Variants in PPM1L observed in about 807,000 individuals in gnomAD.
PPM1L encodes protein phosphatase, Mg2+/Mn2+ dependent 1L, also known as protein phosphatase 1L.
Under a neutral mutation model 31.4 loss-of-function variants are expected in PPM1L, and 13 were observed. The observed-to-expected ratio is 0.41, with a 90% CI of 0.27 to 0.66. The LOEUF is 0.66. Among genes scored for constraint, PPM1L ranks in the 30% least tolerant of loss-of-function variants. The pLI, the probability that PPM1L is intolerant of heterozygous loss-of-function variation, is 0.29. For missense variants in PPM1L, 326 were observed against 453.7 expected (o/e 0.72, Z 2.56); for synonymous variants, 184 against 175.4 (o/e 1.05, Z -0.39).
intron 2 of PPM1L, among the ~76,000 whole-genome samples, chr3:160,962,672 G>A (rs1576746258): frequency 6.6e-6 from 1 of 152,096 alleles, no homozygotes; most frequent in East Asian, 1.9e-4. Flanking sequence ...TTATATTAAT[G>A]CCAAGAACTT....
chr3:160,786,155 CTCTGTGTGTGTGTGTGTG>C (rs1441837370), intron 1 of PPM1L, among the ~76,000 whole-genome samples: 1 of 83,212 alleles, frequency 1.2e-5, no homozygotes. Flanking sequence ...CTCTCTCTCT[CTCTGTGTGTGTGTGTGTG>C]TGTGTGTGTG....
At chr3:160,872,136 C>T (rs1341194823) in intron 1 of PPM1L, among the ~76,000 whole-genome samples, 8 of 152,120 alleles carry the variant, frequency 5.3e-5, no homozygotes, top group Admixed American at 5.2e-4. Context: ...CTGGCAATCA[C>T]TCACCGGTTT....
intron 2 of PPM1L, among the ~76,000 whole-genome samples, chr3:160,966,673 A>G (rs549828931): frequency 2.0e-5 from 3 of 152,254 alleles, no homozygotes; most frequent in Non-Finnish European, 2.9e-5. Flanking sequence ...TTCAGAAAAC[A>G]TAAGAGTTTA....
intron 1 of PPM1L, among the ~76,000 whole-genome samples, chr3:160,930,274 A>AG (rs1405178917): frequency 1.2e-4 from 18 of 151,964 alleles, no homozygotes; most frequent in Non-Finnish European, 2.1e-4. Context: ...AAAAAAAAAA[A>AG]GTGTTTTGTA....
At chr3:160,980,768 G>A (rs927529981) in intron 2 of PPM1L, among the ~76,000 whole-genome samples, 1 of 144,170 alleles carries the variant, frequency 6.9e-6, no homozygotes, top group Non-Finnish European at 1.5e-5. Flanking sequence ...AGGAAAGACG[G>A]AAAGAAAAGG....
rs144361182 is a variant in PPM1L, at chr3:160,767,951, C to G, written c.399+11244C>G. Among the ~76,000 whole-genome samples, 928 of 151,968 alleles carry G rather than the reference C, an allele frequency of 6.1e-3. 9 individuals are homozygous for G. Among genetic ancestry groups the G allele is most frequent in the African/African-American group, 0.022 (900 of 41,448 alleles). On this transcript the variant is annotated intron_variant, in intron 1 of 3. Transcript: ENST00000498165. ...AATTAGTCACTGGATATTTTCTGGC[C>G]AAATAAGTCTCTTAATGACACCGTC...
intron 1 of PPM1L, among the ~76,000 whole-genome samples, chr3:160,923,143 G>A (rs950806848): frequency 1.2e-4 from 18 of 152,068 alleles, no homozygotes; most frequent in African/African-American, 3.9e-4. Flanking sequence ...AGTTTTAAGA[G>A]TAATTTATTT....
At chr3:160,902,342 T>G (rs992183129) in intron 1 of PPM1L, among the ~76,000 whole-genome samples, 1 of 152,038 alleles carries the variant, frequency 6.6e-6, no homozygotes, top group Non-Finnish European at 1.5e-5. Flanking sequence ...AAGAGTAGAG[T>G]AAAATTCATT....
chr3:160,931,860 A>G (rs1036430907), intron 1 of PPM1L, among the ~76,000 whole-genome samples: 3 of 152,214 alleles, frequency 2.0e-5, no homozygotes, highest in Admixed American at 6.5e-5. Context: ...TAAAAAGGCT[A>G]CTTTGAGAAA....
chr3:160,884,342 T>A (rs372503641), intron 1 of PPM1L, among the ~76,000 whole-genome samples: 1 of 152,046 alleles, frequency 6.6e-6, no homozygotes. Context: ...TTTGGAGACT[T>A]GTTAGTGGAG....
intron 1 of PPM1L, among the ~76,000 whole-genome samples, chr3:160,872,685 G>C (rs1466566816): frequency 1.3e-5 from 2 of 152,198 alleles, no homozygotes; most frequent in Non-Finnish European, 1.5e-5. Flanking sequence ...CCAGCACTTT[G>C]GGAGGCTGAG....
chr3:160,822,712 G>A (rs1560116931), intron 1 of PPM1L, among the ~76,000 whole-genome samples: 1 of 152,068 alleles, frequency 6.6e-6, no homozygotes, highest in African/African-American at 2.4e-5. Context: ...TATATTAGTA[G>A]CAATGACAAC....
At chr3:161,016,170 A>G (rs1718082482) in intron 2 of PPM1L, among the ~76,000 whole-genome samples, 1 of 152,228 alleles carries the variant, frequency 6.6e-6, no homozygotes, top group African/African-American at 2.4e-5. Context: ...CTTTGCTGAT[A>G]CTGCCGTTCT....
chr3:160,949,404 C>T (rs1715506677), intron 1 of PPM1L, among the ~76,000 whole-genome samples: 2 of 152,120 alleles, frequency 1.3e-5, no homozygotes, highest in Non-Finnish European at 2.9e-5. Flanking sequence ...GGCTGTGGCT[C>T]TGTCCAAACC....
intron 1 of PPM1L, among the ~76,000 whole-genome samples, chr3:160,787,226 A>G (rs2108070919): frequency 6.6e-6 from 1 of 152,346 alleles, no homozygotes; most frequent in East Asian, 1.9e-4. Context: ...CACCAGCAGT[A>G]TATAAGAGTT....
chr3:161,057,876 G>A (rs1040217550), intron 2 of PPM1L, among the ~76,000 whole-genome samples: 1 of 151,578 alleles, frequency 6.6e-6, no homozygotes, highest in African/African-American at 2.4e-5. Context: ...TAGAACCCAG[G>A]TTCCCATCAA....
intron 1 of PPM1L, among the ~76,000 whole-genome samples, chr3:160,856,041 G>T (rs933725813): frequency 3.9e-5 from 6 of 152,106 alleles, no homozygotes; most frequent in Non-Finnish European, 8.8e-5. Context: ...AGTCTGATGT[G>T]TGAGGGCAGG....
In PPM1L at chr3:160,888,149, A is replaced by C. The variant is rs1031219195; in HGVS notation, c.400-73587A>C. On this transcript the variant is annotated intron_variant, in intron 1 of 3. Transcript: ENST00000498165. Reference sequence around the variant, plus strand: ...CTAGTGTGCAAAATAACCAGATAGCATCATGATGACAGGATCAAATTCACA... The same window carrying C: ...CTAGTGTGCAAAATAACCAGATAGCCTCATGATGACAGGATCAAATTCACA... Among the ~76,000 whole-genome samples the C allele has an allele frequency of 7.2e-5, 11 of 152,210 alleles. No individual in the cohort carries two copies. The East Asian group carries it at 2.1e-3, about 29-fold the overall frequency.
intron 2 of PPM1L, among the ~76,000 whole-genome samples, chr3:160,981,315 A>C (rs773396747): frequency 4.6e-5 from 7 of 152,108 alleles, no homozygotes; most frequent in Admixed American, 1.3e-4. Context: ...CAGTCTCTGA[A>C]GATTTAACTG....
Sources: gnomAD v4.1 joint callset for allele counts (sites outside exome capture counted in the v4.1 genomes callset) on GRCh38, gnomAD v4.1.1 for gene constraint, MANE v1.5 for transcripts, NCBI Gene and HGNC (gene_info 2026-07-23, HGNC 2026-07-21) for gene names.